Variants in PCNX1 observed in about 807,000 individuals in gnomAD.
PCNX1 encodes pecanex-like protein 1.
In PCNX1, 78 loss-of-function variants were observed where a neutral mutation model predicts 242.2. That is an observed-to-expected ratio of 0.32 (90% CI 0.27 to 0.39). PCNX1 has a LOEUF of 0.39. PCNX1 is among the 10% of genes least tolerant of loss of function. The pLI is 1.00. For missense variants in PCNX1, 2,581 were observed against 2,856.5 expected (o/e 0.90, Z 2.20); for synonymous variants, 1,024 against 1,032.9 (o/e 0.99, Z 0.17).
At chr14:71,032,398 T>A (rs1306132059) in intron 16 of PCNX1, among the ~76,000 whole-genome samples, 2 of 152,232 alleles carry the variant, frequency 1.3e-5, no homozygotes, top group Admixed American at 6.5e-5. Context: ...ACTTAAACCC[T>A]CTTCTGTGCC....
At chr14:71,015,372 G>A (rs910822843) in intron 11 of PCNX1, among the ~76,000 whole-genome samples, 3 of 152,272 alleles carry the variant, frequency 2.0e-5, no homozygotes, top group Middle Eastern at 3.4e-3. Context: ...ACAGTGCTTC[G>A]TGTGGTTTAT....
intron 7 of PCNX1, among the ~76,000 whole-genome samples, chr14:70,988,945 G>C (rs1166909826): frequency 6.6e-6 from 1 of 151,654 alleles, no homozygotes; most frequent in Admixed American, 6.6e-5. Flanking sequence ...AATCACTTGA[G>C]GGCAGTTACA....
chr14:70,919,364 T>C (rs2140073154), intron 1 of PCNX1, among the ~76,000 whole-genome samples: 1 of 152,294 alleles, frequency 6.6e-6, no homozygotes, highest in East Asian at 1.9e-4. Flanking sequence ...TTCTTTGTAA[T>C]TAATTTTCAC....
intron 8 of PCNX1, among the ~76,000 whole-genome samples, chr14:70,999,838 T>TA (rs1269982494): frequency 2.6e-5 from 4 of 152,208 alleles, no homozygotes; most frequent in African/African-American, 9.6e-5. Flanking sequence ...TGACTTTTAT[T>TA]AGAGTTAGTC....
At chr14:70,915,523 T>C (rs760513884) in intron 1 of PCNX1, among the ~76,000 whole-genome samples, 2 of 152,196 alleles carry the variant, frequency 1.3e-5, no homozygotes, top group Non-Finnish European at 2.9e-5. Context: ...TTTTCAAGTC[T>C]CCTATTTTCA....
At chr14:71,085,015 C>T (rs765073656) in intron 28 of PCNX1, among the ~76,000 whole-genome samples, 5 of 152,158 alleles carry the variant, frequency 3.3e-5, no homozygotes, top group African/African-American at 1.2e-4. Flanking sequence ...TTGTGAAGAC[C>T]GTGGGAAAAG....
At chr14:70,928,825 C>G (rs182115263) in intron 1 of PCNX1, among the ~76,000 whole-genome samples, 1 of 152,150 alleles carries the variant, frequency 6.6e-6, no homozygotes, top group Non-Finnish European at 1.5e-5. Flanking sequence ...GCATACATAC[C>G]TCTACCTTTC....
chr14:71,021,816 C>CT (rs2060109585), intron 12 of PCNX1, among the ~76,000 whole-genome samples: 1 of 152,082 alleles, frequency 6.6e-6, no homozygotes, highest in Non-Finnish European at 1.5e-5. Flanking sequence ...AGATGACTCT[C>CT]TTTTCCTTTG....
At chr14:70,999,373 G>A (rs2059440405) in intron 8 of PCNX1, among the ~76,000 whole-genome samples, 1 of 152,120 alleles carries the variant, frequency 6.6e-6, no homozygotes, top group Admixed American at 6.5e-5. Context: ...GTTGGGGTGA[G>A]GAAATGCTTT....
At chr14:71,030,510 G>C (rs1220146222) in intron 16 of PCNX1, among the ~76,000 whole-genome samples, 2 of 152,134 alleles carry the variant, frequency 1.3e-5, no homozygotes, top group Non-Finnish European at 2.9e-5. Flanking sequence ...CATTATGCCT[G>C]CCATTTGCAC....
rs763168705 is a variant in PCNX1 at position 70,969,057 on chromosome 14, G to A, written c.551G>A (p.Ser184Asn). The A allele has an allele frequency of 1.2e-6, 2 of 1,611,180 alleles. No individual in the cohort carries two copies. Among genetic ancestry groups the A allele is most frequent in the Non-Finnish European group, 1.7e-6 (2 of 1,177,494 alleles). The change falls in exon 5 of 36, where the codon AGT becomes AAT. Residue 184 changes from serine (S) to asparagine (N), a missense_variant. Around this residue, in one of 9 missense-constraint regions of PCNX1, gnomAD observed 1,204 missense variants for 1,216.7 expected, o/e 0.99. Coordinates refer to ENST00000304743, the MANE Select transcript of PCNX1 (RefSeq NM_014982.3). ...TDTAKTSDDI[S>N]LSLGQSSSLC... ...ACTGCTAAGACTTCTGATGATATCA[G>A]TTTAAGTCTGGGCCAAAGTTCTAGT... is the stretch of plus-strand genomic sequence containing the variant.
intron 16 of PCNX1, chr14:71,031,707 G>T: frequency 1.1e-6 from 1 of 879,604 alleles, no homozygotes; most frequent in East Asian, 2.5e-5. Flanking sequence ...GAGCTAAGTG[G>T]CCTTTGGCCT....
chr14:71,009,711 G>A lies in PCNX1; in HGVS notation c.2707G>A (p.Ala903Thr). ...LVNFEPAARR[A>T]SNICDTDSHV... ...GAATTTTGAACCAGCAGCAAGAAGAGCATCCAATATCTGGTATGTGTGAAG... is the reference window on the plus strand; with the variant it reads ...GAATTTTGAACCAGCAGCAAGAAGAACATCCAATATCTGGTATGTGTGAAG... Residue 903 changes from alanine (A) to threonine (T), a missense_variant, in exon 9 of 36, where the codon GCA becomes ACA. Physicochemically the swap from Ala to Thr is moderately conservative, Grantham distance 58. Around this residue, in one of 9 missense-constraint regions of PCNX1, gnomAD observed 1,204 missense variants for 1,216.7 expected, o/e 0.99. Coordinates refer to ENST00000304743, the MANE Select transcript of PCNX1 (RefSeq NM_014982.3). 6.3e-7 allele frequency: 1 copy of A among 1,592,854 alleles called. No homozygotes were observed. Among genetic ancestry groups the A allele is most frequent in the Non-Finnish European group, 8.6e-7 (1 of 1,163,120 alleles).
intron 1 of PCNX1, among the ~76,000 whole-genome samples, chr14:70,911,289 A>G (rs1263914987): frequency 6.6e-6 from 1 of 152,272 alleles, no homozygotes; most frequent in Middle Eastern, 3.4e-3. Flanking sequence ...TTCCCCCCCA[A>G]AAAGTGCCTA....
intron 28 of PCNX1, among the ~76,000 whole-genome samples, chr14:71,079,458 C>T (rs2061797870): frequency 6.6e-6 from 1 of 152,198 alleles, no homozygotes; most frequent in African/African-American, 2.4e-5. Context: ...TACACTCCTA[C>T]CAACAGTGTA....
intron 2 of PCNX1, among the ~76,000 whole-genome samples, chr14:70,950,702 A>G (rs2057742683): frequency 6.6e-6 from 1 of 151,984 alleles, no homozygotes; most frequent in African/African-American, 2.4e-5. Context: ...TAAATAAATT[A>G]TTGTTTAATA....
intron 27 of PCNX1, 27 bp from the exon 28 acceptor site, chr14:71,076,162 C>CTTTT: frequency 8.6e-7 from 1 of 1,167,478 alleles, no homozygotes; most frequent in Non-Finnish European, 1.2e-6. Context: ...AATCTGAATT[C>CTTTT]TTTTTTTTTT....
At chr14:71,039,341 C>T (rs2060640314) in intron 19 of PCNX1, among the ~76,000 whole-genome samples, 1 of 152,106 alleles carries the variant, frequency 6.6e-6, no homozygotes, top group African/African-American at 2.4e-5. Context: ...TTTCATGATG[C>T]TAAAATCATC....
chr14:70,914,400 C>CA (rs371155425), intron 1 of PCNX1, among the ~76,000 whole-genome samples: 2 of 151,876 alleles, frequency 1.3e-5, no homozygotes, highest in Non-Finnish European at 2.9e-5. Flanking sequence ...TATTAATTTA[C>CA]AAAAAAAGCA....
Sources: allele counts gnomAD v4.1 joint callset (sites outside exome capture counted in the v4.1 genomes callset), GRCh38; gene constraint gnomAD v4.1.1; regional missense constraint gnomAD v4.1.1; transcripts MANE v1.5; gene names NCBI Gene and HGNC (gene_info 2026-07-23, HGNC 2026-07-21).